The following GRK4 variants were observed in gnomAD, a reference collection of about 807,000 sequenced individuals.
GRK4 encodes G protein-coupled receptor kinase 2-like.
GRK4 carries 73 observed loss-of-function variants against 77.9 expected under a neutral mutation model. The ratio of observed to expected loss-of-function variants is 0.94; its 90% CI spans 0.78 to 1.14. The LOEUF (loss-of-function observed/expected upper bound fraction) is 1.14, where lower values mean the gene tolerates loss of function less well. Ranked by LOEUF, GRK4 falls within the 50% of genes most tolerant of loss-of-function variation. The pLI is 0.00. For missense variants in GRK4, 729 were observed against 700.2 expected, an observed-to-expected ratio of 1.04 and a Z score of -0.46; for synonymous variants, 257 against 254.4, an observed-to-expected ratio of 1.01 and a Z score of -0.10.
chr4:3,039,414 T>C (rs566710184), intron 15 of GRK4, among the ~76,000 whole-genome samples: 1 of 150,444 alleles, frequency 6.6e-6, no homozygotes, highest in Non-Finnish European at 1.5e-5. Flanking sequence ...GTATGAAAAA[T>C]AGGCTAGGCG....
intron 1 of GRK4, among the ~76,000 whole-genome samples, chr4:2,969,002 G>T (rs989148805): frequency 6.6e-6 from 1 of 152,080 alleles, no homozygotes; most frequent in African/African-American, 2.4e-5. Context: ...CATACACCGT[G>T]GGGGAGAAGT....
At chr4:3,013,581 CTG>C in intron 7 of GRK4, 105 bp from the exon 8 acceptor site, 1 of 1,347,068 alleles carries the variant, frequency 7.4e-7, no homozygotes, top group Non-Finnish European at 1.0e-6. Flanking sequence ...TCATGCACTG[CTG>C]CTGGTCTCTG....
chr4:3,037,936 G>A (rs200634888), intron 14 of GRK4, among the ~76,000 whole-genome samples: 1 of 146,530 alleles, frequency 6.8e-6, no homozygotes, highest in Non-Finnish European at 1.5e-5. Context: ...AAAAAAAAAA[G>A]ATTGTATAAG....
chr4:2,975,914 C>G lies in GRK4; in HGVS notation c.53-8599C>G, dbSNP rs56315133. 9.3e-3 allele frequency among the ~76,000 whole-genome samples: 1,418 copies of G among 152,274 alleles called. 21 individuals carry two copies. Among genetic ancestry groups the G allele is most frequent in the African/African-American group, 0.033 (1,365 of 41,542 alleles). ...AAATTGAGTCAGTCCTGCTAAAGTT[C>G]CATGTCACCATGCTGAAAGTTGTTT... On this transcript the variant is annotated intron_variant, in intron 1 of 15. Coordinates refer to ENST00000398052, the MANE Select transcript of GRK4 (RefSeq NM_182982.3).
Position 2,964,032 on chromosome 4 carries a change from C to A in GRK4, c.-39C>A. The A allele has an allele frequency of 6.3e-7, 1 of 1,590,904 alleles. No homozygotes were observed. The highest frequency in any genetic ancestry group is 1.3e-5 in the African/African-American group (1 of 74,254). Reference sequence around the variant, plus strand: ...TCCTGTTCCGCCTCCTCAGTCTCCTCGGTCTCGCAGAATCCGCCGGCGGCG... The same window carrying A: ...TCCTGTTCCGCCTCCTCAGTCTCCTAGGTCTCGCAGAATCCGCCGGCGGCG... On this transcript the variant is annotated 5_prime_UTR_variant, in exon 1 of 16. It introduces an in-frame stop codon into an upstream open reading frame of the 5' UTR. Transcript: ENST00000398052.
chr4:3,025,812 T>A (rs1387941068), intron 10 of GRK4, among the ~76,000 whole-genome samples: 1 of 152,216 alleles, frequency 6.6e-6, no homozygotes, highest in East Asian at 1.9e-4. Flanking sequence ...CCCAAGTAAT[T>A]ATTTTAACTC....
chr4:2,972,871 A>C (rs1720004697), intron 1 of GRK4, among the ~76,000 whole-genome samples: 1 of 152,158 alleles, frequency 6.6e-6, no homozygotes, highest in Non-Finnish European at 1.5e-5. Context: ...AGTAGCTAAG[A>C]CTACAGGTGT....
chr4:3,037,340 C>G (rs1344034757), intron 13 of GRK4, 34 bp from the exon 14 acceptor site: 1 of 1,550,040 alleles, frequency 6.5e-7, no homozygotes, highest in African/African-American at 1.4e-5. Context: ...TTGCTGTAGT[C>G]ATCTCAGAGG....
intron 4 of GRK4, among the ~76,000 whole-genome samples, chr4:2,993,216 C>T (rs1291420659): frequency 6.6e-6 from 1 of 152,122 alleles, no homozygotes; most frequent in East Asian, 1.9e-4. Context: ...AGCTTTTATG[C>T]TTTTGACTTA....
At chr4:2,998,505 T>C (rs1728612235) in intron 4 of GRK4, among the ~76,000 whole-genome samples, 1 of 152,172 alleles carries the variant, frequency 6.6e-6, no homozygotes, top group Non-Finnish European at 1.5e-5. Context: ...TAAGTGAGTC[T>C]GGTAAGGCTG....
chr4:3,028,795 A>G (rs113429268), intron 11 of GRK4, among the ~76,000 whole-genome samples: 5,578 of 149,512 alleles, frequency 0.037, 273 homozygotes, highest in African/African-American at 0.11. Flanking sequence ...TTTTTGAGAC[A>G]GAGTCTCACT....
intron 8 of GRK4, among the ~76,000 whole-genome samples, chr4:3,015,204 T>G (rs1269403056): frequency 6.6e-6 from 1 of 152,204 alleles, no homozygotes; most frequent in Non-Finnish European, 1.5e-5. Context: ...TAATTACATA[T>G]GTCCTGTAGC....
At chr4:2,971,126 C>T (rs773644823) in intron 1 of GRK4, 4 of 152,076 alleles carry the variant, frequency 2.6e-5, no homozygotes, top group East Asian at 1.9e-4. Flanking sequence ...GAAACATTTA[C>T]GGTATTTTGT....
At chr4:3,008,613 G>A (rs1731991565) in intron 6 of GRK4, among the ~76,000 whole-genome samples, 1 of 152,078 alleles carries the variant, frequency 6.6e-6, no homozygotes, top group South Asian at 2.1e-4. Flanking sequence ...GACCAGCCTG[G>A]CCAAAATGGT....
intron 10 of GRK4, among the ~76,000 whole-genome samples, chr4:3,023,333 A>T (rs1736581804): frequency 6.6e-6 from 1 of 152,200 alleles, no homozygotes. Flanking sequence ...CATAGCTCAC[A>T]AGCAGTGCTG....
chr4:2,995,505 C>T (rs1391226340), intron 4 of GRK4, among the ~76,000 whole-genome samples: 2 of 86,550 alleles, frequency 2.3e-5, no homozygotes, highest in East Asian at 2.6e-4. Flanking sequence ...CTCATCTCTA[C>T]TAAAAAAAAA....
intron 1 of GRK4, among the ~76,000 whole-genome samples, chr4:2,976,870 C>G (rs1721365606): frequency 6.6e-6 from 1 of 152,110 alleles, no homozygotes; most frequent in Non-Finnish European, 1.5e-5. Context: ...AACTGCCGAC[C>G]TCAGGTGATC....
chr4:3,016,609 G>A (rs1159951452), intron 8 of GRK4, among the ~76,000 whole-genome samples: 1 of 137,994 alleles, frequency 7.2e-6, no homozygotes, highest in Non-Finnish European at 1.6e-5. Context: ...GCTGTGGTGG[G>A]AGGATTGCTT....
Position 3,037,471 on chromosome 4 carries a change from G to C in GRK4, c.1505G>C (p.Arg502Pro). 2 of 1,610,544 alleles carry C rather than the reference G, an allele frequency of 1.2e-6. No individual in the cohort carries two copies. The highest frequency in any genetic ancestry group is 1.7e-6 in the Non-Finnish European group (2 of 1,177,034). ...ACCGCAGATGAAGACTTCTATGCTCGGTTTGCTACCGGGTGTGTCTCCATC... is the reference window on the plus strand; with the variant it reads ...ACCGCAGATGAAGACTTCTATGCTCCGTTTGCTACCGGGTGTGTCTCCATC... Reference protein sequence around the residue: ...LDTADEDFYARFATGCVSIPW... With the variant: ...LDTADEDFYAPFATGCVSIPW... Residue 502 changes from arginine (R) to proline (P), a missense_variant, in exon 14 of 16, where the codon CGG becomes CCG. Arg to Pro is a moderately radical substitution (Grantham distance 103). Coordinates refer to ENST00000398052, the MANE Select transcript of GRK4 (RefSeq NM_182982.3).
Sources: gnomAD v4.1 joint callset for allele counts (sites outside exome capture counted in the v4.1 genomes callset) on GRCh38, gnomAD v4.1.1 for gene constraint, MANE v1.5 for transcripts, NCBI Gene and HGNC (gene_info 2026-07-23, HGNC 2026-07-21) for gene names.